MDGA2: variants seen among roughly 807,000 people sequenced by gnomAD.
MDGA2 encodes the protein MAM domain-containing glycosylphosphatidylinositol anchor protein 2.
MDGA2 carries 40 observed loss-of-function variants against 117.8 expected under a neutral mutation model. The ratio of observed to expected loss-of-function variants is 0.34; its 90% CI spans 0.26 to 0.44. The LOEUF (loss-of-function observed/expected upper bound fraction) is 0.44. Ranked by LOEUF, MDGA2 falls within the 20% of genes least tolerant of loss-of-function variation. The pLI, the probability that MDGA2 is intolerant of heterozygous loss-of-function variation, is 1.00. For synonymous variants in MDGA2, 452 were observed against 439.0 expected, an observed-to-expected ratio of 1.03 and a Z score of -0.37; for missense variants, 1,123 against 1,250.6, an observed-to-expected ratio of 0.90 and a Z score of 1.54.
intron 3 of MDGA2, among the ~76,000 whole-genome samples, chr14:47,182,751 A>G (rs80029059): frequency 0.012 from 1,760 of 152,276 alleles, 40 homozygotes; most frequent in African/African-American, 0.041. Flanking sequence ...CAACAATTAC[A>G]AGAACTATAA....
At chr14:47,000,088 G>A (rs1020656729) in intron 8 of MDGA2, among the ~76,000 whole-genome samples, 7 of 151,300 alleles carry the variant, frequency 4.6e-5, no homozygotes, top group African/African-American at 1.5e-4. Context: ...GCAATTATAT[G>A]TATAAAAATA....
intron 5 of MDGA2, among the ~76,000 whole-genome samples, chr14:47,100,965 T>A (rs1339880440): frequency 6.6e-6 from 1 of 152,006 alleles, no homozygotes; most frequent in Non-Finnish European, 1.5e-5. Flanking sequence ...AAGGCACAGG[T>A]CATGATAGAC....
chr14:47,007,961 A>C (rs1475966138), intron 8 of MDGA2, among the ~76,000 whole-genome samples: 2 of 151,950 alleles, frequency 1.3e-5, no homozygotes, highest in Non-Finnish European at 2.9e-5. Flanking sequence ...GTAATGATAA[A>C]AATTATTTTG....
chr14:47,279,660 A>T (rs191459526), intron 2 of MDGA2, among the ~76,000 whole-genome samples: 23,264 of 151,408 alleles, frequency 0.15, 1,904 homozygotes, highest in Middle Eastern at 0.22. Context: ...ATTTTTTTTA[A>T]AAAAAAATCA....
At chr14:47,174,660 G>C (rs1293472582) in intron 3 of MDGA2, among the ~76,000 whole-genome samples, 2 of 152,138 alleles carry the variant, frequency 1.3e-5, no homozygotes, top group East Asian at 1.9e-4. Flanking sequence ...TGAGTAGATG[G>C]AAATTTATAG....
intron 1 of MDGA2, among the ~76,000 whole-genome samples, chr14:47,310,493 T>C (rs1324641870): frequency 6.6e-6 from 1 of 152,094 alleles, no homozygotes; most frequent in Non-Finnish European, 1.5e-5. Context: ...CTCATGTTGC[T>C]CAAACGACTT....
intron 3 of MDGA2, among the ~76,000 whole-genome samples, chr14:47,211,935 T>C (rs180965835): frequency 6.6e-6 from 1 of 152,324 alleles, no homozygotes; most frequent in African/African-American, 2.4e-5. Flanking sequence ...AATTGTCACT[T>C]TGTCTTCTTA....
chr14:47,240,180 G>C (rs567231507), intron 2 of MDGA2, among the ~76,000 whole-genome samples: 13 of 151,584 alleles, frequency 8.6e-5, no homozygotes, highest in Non-Finnish European at 1.5e-5. Flanking sequence ...CAGTAGCTGG[G>C]ATTACAGGCG....
intron 1 of MDGA2, among the ~76,000 whole-genome samples, chr14:47,625,530 T>C (rs1473056255): frequency 6.6e-6 from 1 of 152,168 alleles, no homozygotes; most frequent in Non-Finnish European, 1.5e-5. Flanking sequence ...TTTCCAACTA[T>C]CAAAATTGCC....
intron 1 of MDGA2, among the ~76,000 whole-genome samples, chr14:47,320,002 A>G (rs938647216): frequency 6.6e-6 from 1 of 152,178 alleles, no homozygotes; most frequent in African/African-American, 2.4e-5. Flanking sequence ...AATGCCATAT[A>G]AGCATTAAAG....
intron 1 of MDGA2, among the ~76,000 whole-genome samples, chr14:47,436,947 T>C (rs917903637): frequency 1.3e-5 from 2 of 152,160 alleles, no homozygotes; most frequent in Non-Finnish European, 2.9e-5. Flanking sequence ...CAAAGTTGTA[T>C]GCACGTATAC....
intron 1 of MDGA2, among the ~76,000 whole-genome samples, chr14:47,503,431 T>C (rs1894442115): frequency 6.6e-6 from 1 of 151,004 alleles, no homozygotes; most frequent in African/African-American, 2.4e-5. Flanking sequence ...CTTTTTTTTT[T>C]TTTTTTTTGG....
chr14:47,656,140 C>T (rs990930030), intron 1 of MDGA2, among the ~76,000 whole-genome samples: 1 of 152,144 alleles, frequency 6.6e-6, no homozygotes, highest in Non-Finnish European at 1.5e-5. Context: ...TCCATTATAA[C>T]TAGGTTTTGT....
intron 1 of MDGA2, among the ~76,000 whole-genome samples, chr14:47,479,409 TAAC>T (rs1893907098): frequency 6.6e-6 from 1 of 152,058 alleles, no homozygotes; most frequent in Non-Finnish European, 1.5e-5. Flanking sequence ...TTGAAATAGA[TAAC>T]ATCTTCCCTT....
chr14:46,865,408 T>C (rs1881710496), intron 14 of MDGA2, among the ~76,000 whole-genome samples: 1 of 152,058 alleles, frequency 6.6e-6, no homozygotes, highest in Non-Finnish European at 1.5e-5. Context: ...ATAAGAGCTA[T>C]CTATGACAAA....
intron 1 of MDGA2, among the ~76,000 whole-genome samples, chr14:47,465,015 T>C (rs1893570908): frequency 6.6e-6 from 1 of 151,964 alleles, no homozygotes; most frequent in Admixed American, 6.6e-5. Context: ...CCTACATGAA[T>C]GGAACAGAAT....
chr14:47,484,244 A>T (rs890133275), intron 1 of MDGA2, among the ~76,000 whole-genome samples: 10 of 151,920 alleles, frequency 6.6e-5, no homozygotes, highest in African/African-American at 2.2e-4. Flanking sequence ...AGGAATTAAA[A>T]AAACACATAT....
chr14:47,068,294 C>G (rs1890154565), intron 6 of MDGA2, among the ~76,000 whole-genome samples: 1 of 151,470 alleles, frequency 6.6e-6, no homozygotes, highest in Admixed American at 6.6e-5. Context: ...GCACAATGTA[C>G]TCTTTTTGGG....
chr14:47,048,252 T>A (rs542556127), intron 7 of MDGA2, among the ~76,000 whole-genome samples: 1 of 152,198 alleles, frequency 6.6e-6, no homozygotes, highest in East Asian at 1.9e-4. Context: ...ATCATGTTAA[T>A]TATGTTATTG....
Sources: allele counts gnomAD v4.1 joint callset (sites outside exome capture counted in the v4.1 genomes callset), GRCh38; gene constraint gnomAD v4.1.1; transcripts MANE v1.5; gene names NCBI Gene and HGNC (gene_info 2026-07-23, HGNC 2026-07-21).